Variants in AP1S3 observed in about 807,000 individuals in gnomAD.
AP1S3 encodes the protein AP-1 complex subunit sigma-3.
In AP1S3, 10 loss-of-function variants were observed where a neutral mutation model predicts 20.9. That is an observed-to-expected ratio of 0.48 (90% CI 0.29 to 0.81). The LOEUF is 0.81. AP1S3 is among the 30% of genes least tolerant of loss of function. AP1S3 has a pLI of 0.08. For missense variants in AP1S3, 154 were observed against 183.8 expected, an observed-to-expected ratio of 0.84 and a Z score of 0.94; for synonymous variants, 41 against 61.5, an observed-to-expected ratio of 0.67 and a Z score of 1.56.
chr2:223,804,858 G>A (rs1057034118), intron 1 of AP1S3, among the ~76,000 whole-genome samples: 1 of 152,184 alleles, frequency 6.6e-6, no homozygotes, highest in Non-Finnish European at 1.5e-5. Context: ...CTACATTTAG[G>A]AAAAGACTGA....
At chr2:223,814,407 C>A (rs568892749) in intron 1 of AP1S3, among the ~76,000 whole-genome samples, 1 of 152,182 alleles carries the variant, frequency 6.6e-6, no homozygotes, top group African/African-American at 2.4e-5. Context: ...ATGTCCACTA[C>A]AAGAAGTTAA....
chr2:223,795,335 A>G (rs1691310367), intron 1 of AP1S3, among the ~76,000 whole-genome samples: 1 of 152,232 alleles, frequency 6.6e-6, no homozygotes, highest in African/African-American at 2.4e-5. Flanking sequence ...TTTTACCAGC[A>G]TGCTCTGGGT....
At chr2:223,779,685 C>T (rs927813529) in intron 1 of AP1S3, among the ~76,000 whole-genome samples, 3 of 151,716 alleles carry the variant, frequency 2.0e-5, no homozygotes, top group East Asian at 2.0e-4. Flanking sequence ...ATTCAACTTT[C>T]GGCCAGGTGT....
In AP1S3 at chr2:223,777,690, C is replaced by T. The variant is rs754015841; in HGVS notation, c.182+1G>A. On this transcript the variant is annotated splice_donor_variant, in intron 2 of 4. Coordinates refer to ENST00000396654, the MANE Select transcript of AP1S3 (RefSeq NM_001039569.2). LOFTEE classifies it high-confidence loss of function. ...TTGAGCTCTCAAAAAGTTACTCACA[C>T]CTTTTATAAACAAGTTTTAGCTCCT... is the stretch of plus-strand genomic sequence containing the variant. The T allele has an allele frequency of 1.9e-5, 30 of 1,611,742 alleles. No individual in the cohort carries two copies. Among genetic ancestry groups the T allele is most frequent in the Non-Finnish European group, 2.5e-5 (29 of 1,179,178 alleles).
chr2:223,794,388 T>C (rs947695375), intron 1 of AP1S3, among the ~76,000 whole-genome samples: 1 of 152,064 alleles, frequency 6.6e-6, no homozygotes, highest in Non-Finnish European at 1.5e-5. Flanking sequence ...AAATAAATTA[T>C]CCAGGAGTCA....
intron 1 of AP1S3, among the ~76,000 whole-genome samples, chr2:223,823,603 G>C (rs1692046884): frequency 6.6e-6 from 1 of 152,210 alleles, no homozygotes; most frequent in Admixed American, 6.5e-5. Context: ...AGAAGAAATT[G>C]AGGAGATATT....
chr2:223,760,995 T>C (rs1305917690), intron 4 of AP1S3, among the ~76,000 whole-genome samples: 2 of 152,168 alleles, frequency 1.3e-5, no homozygotes, highest in Admixed American at 6.6e-5. Flanking sequence ...CCTCTAGTCA[T>C]TGGCACTGCT....
intron 3 of AP1S3, among the ~76,000 whole-genome samples, chr2:223,771,490 A>G (rs964004388): frequency 6.6e-6 from 1 of 152,224 alleles, no homozygotes; most frequent in Non-Finnish European, 1.5e-5. Context: ...ATGTTAATAA[A>G]CATGAGCCTC....
At chr2:223,773,355 T>C in intron 3 of AP1S3, 2 of 1,304,062 alleles carry the variant, frequency 1.5e-6, no homozygotes, top group Non-Finnish European at 2.0e-6. Context: ...GCCAAGTCTG[T>C]AGTTTATTTC....
At chr2:223,831,985 G>A (rs1321628379) in intron 1 of AP1S3, among the ~76,000 whole-genome samples, 6 of 151,942 alleles carry the variant, frequency 3.9e-5, no homozygotes, top group Non-Finnish European at 1.5e-5. Context: ...GCTGAGGCAG[G>A]AGAATGGCGT....
chr2:223,780,298 TATATATATATAGAGAGAGAGAG>T (rs1381079582), intron 1 of AP1S3, among the ~76,000 whole-genome samples: 40 of 53,544 alleles, frequency 7.5e-4, no homozygotes, highest in Middle Eastern at 9.1e-3. Context: ...TATATATATA[TATATATATATAGAGAGAGAGAG>T]AGAGAGAGAG....
At chr2:223,797,076 C>T (rs1379378578) in intron 1 of AP1S3, among the ~76,000 whole-genome samples, 1 of 152,218 alleles carries the variant, frequency 6.6e-6, no homozygotes, top group Non-Finnish European at 1.5e-5. Context: ...AGGTGAATCA[C>T]TTTCACTCTT....
At chr2:223,827,349 T>C (rs1692153471) in intron 1 of AP1S3, among the ~76,000 whole-genome samples, 1 of 152,158 alleles carries the variant, frequency 6.6e-6, no homozygotes, top group Non-Finnish European at 1.5e-5. Context: ...ACTGTAACCC[T>C]TACCTTCCCC....
intron 2 of AP1S3, among the ~76,000 whole-genome samples, chr2:223,776,926 A>G (rs1407102791): frequency 2.6e-5 from 4 of 152,238 alleles, no homozygotes; most frequent in African/African-American, 9.6e-5. Flanking sequence ...AACAGGCATA[A>G]TAAGAGCTGC....
In AP1S3 at chr2:223,775,910, A is replaced by T; in HGVS notation, c.282T>A (p.Tyr94Ter). The T allele has an allele frequency of 6.2e-7, 1 of 1,613,936 alleles. No individual in the cohort carries two copies. The highest frequency in any genetic ancestry group is 8.5e-7 in the Non-Finnish European group (1 of 1,179,866). ...VHRYVELLDKYFGNVCELDII... is the reference protein window; with the variant it reads ...VHRYVELLDK ...CAAGGACAACACTTACATTTCCAAAATATTTGTCCAGCAGCTCCACGTAAC... is the reference window on the plus strand; with the variant it reads ...CAAGGACAACACTTACATTTCCAAATTATTTGTCCAGCAGCTCCACGTAAC... The change falls in exon 3 of 5, where the codon TAT (tyrosine) becomes TAA (stop). Residue 94 changes from tyrosine to a stop codon, truncating the protein, a stop_gained. Transcript: ENST00000396654. LOFTEE classifies it high-confidence loss of function.
In AP1S3 at chr2:223,758,726, G is replaced by T; in HGVS notation, c.454C>A (p.Pro152Thr). ...AAGTAGATTTCCAGTTAAAATGTAG[G>T]CTTGTTCATGTATTCTTCCATTGTC... ...QETMEEYMNK[P>T]TF The change falls in exon 5 of 5, where the codon CCT (proline) becomes ACT (threonine). Residue 152 changes from proline to threonine, a missense_variant. Coordinates refer to ENST00000396654, the MANE Select transcript of AP1S3 (RefSeq NM_001039569.2). 1 of 1,609,542 alleles carries T rather than the reference G, an allele frequency of 6.2e-7. No individual in the cohort carries two copies. The highest frequency in any genetic ancestry group is 1.1e-5 in the South Asian group (1 of 89,730).
At chr2:223,771,382 C>G (rs906834825) in intron 3 of AP1S3, among the ~76,000 whole-genome samples, 62 of 152,064 alleles carry the variant, frequency 4.1e-4, no homozygotes. Context: ...TAAATTCCAC[C>G]TTGAGGTTGT....
At chr2:223,770,104 T>C (rs2106083390) in intron 3 of AP1S3, 2 of 1,483,800 alleles carry the variant, frequency 1.3e-6, no homozygotes, top group East Asian at 2.5e-5. Flanking sequence ...TGCATCATTT[T>C]TGCAGTTTTA....
At chr2:223,808,320 G>A (rs1389960253) in intron 1 of AP1S3, among the ~76,000 whole-genome samples, 2 of 152,074 alleles carry the variant, frequency 1.3e-5, no homozygotes, top group African/African-American at 2.4e-5. Flanking sequence ...GAGAAGCTGC[G>A]CTGCAGAGAA....
Sources: allele counts gnomAD v4.1 joint callset (sites outside exome capture counted in the v4.1 genomes callset), GRCh38; gene constraint gnomAD v4.1.1; transcripts MANE v1.5; gene names NCBI Gene and HGNC (gene_info 2026-07-23, HGNC 2026-07-21).